TAF1: variants seen among roughly 807,000 people sequenced by gnomAD.
The protein encoded by TAF1 is TATA-box binding protein associated factor 1.
In TAF1, 2 loss-of-function variants were observed where a neutral mutation model predicts 138.5. That is an observed-to-expected ratio of 0.01 (90% CI 0.01 to 0.05). TAF1 has a LOEUF of 0.05. Among genes scored for constraint, TAF1 ranks in the 10% least tolerant of loss-of-function variants. The pLI, the probability that TAF1 is intolerant of heterozygous loss-of-function variation, is 1.00. For missense variants in TAF1, 709 were observed against 1,478.0 expected, an observed-to-expected ratio of 0.48 and a Z score of 8.53; for synonymous variants, 437 against 503.2, an observed-to-expected ratio of 0.87 and a Z score of 1.76.
At chrX:71,502,693 T>C (rs1011954891) in intron 13 of TAF1, among the ~76,000 whole-genome samples, 3 of 112,354 alleles carry the variant, frequency 2.7e-5, no homozygotes, top group African/African-American at 9.7e-5. Context: ...ATCCCAGCAC[T>C]TTGGGAGGCT....
rs748498042 is a variant in TAF1, at chrX:71,406,802, C to T, written c.4107+56C>T. 5.6e-5 allele frequency: 56 copies of T among 991,794 alleles called. No individual in the cohort carries two copies. The South Asian group carries it at 1.2e-3, about 21-fold the overall frequency. The allele number at this position is 991,794 out of a possible 1,213,427, so 81.7% of individuals were successfully genotyped here. ...GGTAGGTTATCATTGATTCCCCAGC[C>T]CTGTATGCCACAGCTCTGACAGCCT... On this transcript the variant is annotated intron_variant, in intron 26 of 37. Transcript: ENST00000423759.
At chrX:71,499,261 C>T (rs2039453063) in intron 13 of TAF1, among the ~76,000 whole-genome samples, 1 of 111,703 alleles carries the variant, frequency 9.0e-6, no homozygotes, top group Admixed American at 9.5e-5. Flanking sequence ...GTTTGTTTGT[C>T]TGAGGGCCAT....
Position 71,407,600 on chromosome X carries a change from C to A in TAF1, c.4134C>A (p.Arg1378=), listed in dbSNP as rs768444090. 10 of 1,209,404 alleles carry A rather than the reference C, an allele frequency of 8.3e-6. No individual in the cohort carries two copies. The African/African-American group carries it at 1.8e-4, about 21-fold the overall frequency. The change falls in exon 27 of 38, where the codon CGC becomes CGA. Residue 1378 remains arginine, a synonymous_variant. Coordinates refer to ENST00000423759, the MANE Select transcript of TAF1 (RefSeq NM_004606.5). ...GACCTCATAAGTCCATCCACCGGCGCCGCACAGACCCTATGGTGACGCTGT... is the reference window on the plus strand; with the variant it reads ...GACCTCATAAGTCCATCCACCGGCGACGCACAGACCCTATGGTGACGCTGT... ...LNRPHKSIHR[R]RTDPMVTLSS...
intron 15 of TAF1, 103 bp downstream of exon 15, chrX:71,387,564 C>T (rs1010441702): frequency 5.0e-5 from 47 of 934,622 alleles, no homozygotes; most frequent in Middle Eastern, 3.7e-4. Flanking sequence ...TTTGGGAGGC[C>T]GCGGTGAATG....
Position 71,422,050 on chromosome X carries a change from T to G in TAF1, c.4452+674T>G, listed in dbSNP as rs2036370774. On this transcript the variant is annotated intron_variant, in intron 29 of 37. Coordinates refer to ENST00000423759, the MANE Select transcript of TAF1 (RefSeq NM_004606.5). ...TTGGAGCAATAGGAATACAAACTTT[T>G]TCCTACTAGAGTCTAAAATGAATTT... Among the ~76,000 whole-genome samples, 3 of 112,329 alleles carry G rather than the reference T, an allele frequency of 2.7e-5. No homozygotes were observed. In the Admixed American group the frequency reaches 2.8e-4, roughly 11 times the overall value.
intron 32 of TAF1, among the ~76,000 whole-genome samples, chrX:71,450,496 C>T (rs1208961131): frequency 1.8e-5 from 2 of 112,526 alleles, no homozygotes; most frequent in Non-Finnish European, 3.8e-5. Context: ...AGCCACTGCG[C>T]CTGGCCTGTG....
chrX:71,505,906 G>A lies in TAF1; in HGVS notation c.1367-22636G>A, dbSNP rs1162273286. The stretch of plus-strand genomic sequence containing the variant: ...ATGGTGGCGCATGCCTGTAATCCCA[G>A]CTACTCGGGAGGCTGAGGCAGGAGA... On this transcript the variant is annotated intron_variant and NMD_transcript_variant, in intron 13 of 14. Coordinates refer to the TAF1 transcript ENST00000373775. Among the ~76,000 whole-genome samples, 5 of 111,180 alleles carry A rather than the reference G, an allele frequency of 4.5e-5. No homozygotes were observed. In the East Asian group the frequency reaches 1.4e-3, roughly 31 times the overall value.
In TAF1 at chrX:71,405,310, A is replaced by G. The variant is rs973155441; in HGVS notation, c.3999-1328A>G. Among the ~76,000 whole-genome samples the G allele has an allele frequency of 5.4e-5, 6 of 110,695 alleles. No homozygotes were observed. In the South Asian group the frequency reaches 1.1e-3, roughly 21 times the overall value. ...TTTTTGTGTGTAATTTAAGAAATCA[A>G]TTTGATACAGTTACAGTCATTTATG... On this transcript the variant is annotated intron_variant, in intron 25 of 37. Transcript: ENST00000423759.
rs183352562 is a variant in TAF1, at chrX:71,440,490, G to A, written c.4754-13680G>A. The stretch of plus-strand genomic sequence containing the variant: ...GTATATGTTTAGTTTTACAAGACAC[G>A]GCACTATTTCATTTTTTTTTTTTCC... On this transcript the variant is annotated intron_variant, in intron 32 of 37. Coordinates refer to ENST00000423759, the MANE Select transcript of TAF1 (RefSeq NM_004606.5). Among the ~76,000 whole-genome samples, 17 of 109,963 alleles carry A rather than the reference G, an allele frequency of 1.5e-4. No homozygotes were observed. The Admixed American group carries it at 1.6e-3, about 10-fold the overall frequency.
At position 71,463,985 on chromosome X, in the gene TAF1, A is replaced by C; in HGVS notation, c.5561A>C (p.Glu1854Ala). 8.3e-7 allele frequency: 1 copy of C among 1,202,742 alleles called. No homozygotes were observed. The highest frequency in any genetic ancestry group is 1.1e-6 in the Non-Finnish European group (1 of 890,727). The change falls in exon 38 of 38, where the codon GAG becomes GCG. Residue 1854 changes from glutamate (E) to alanine (A), a missense_variant. This residue lies in a region of TAF1 where 123 missense variants were observed against 174.7 expected (regional missense o/e 0.70). Coordinates refer to ENST00000423759, the MANE Select transcript of TAF1 (RefSeq NM_004606.5). Reference sequence around the variant, plus strand: ...AGCCAGGTCCACCTGTCAGAGGACGAGGAGGACAGTGAGGATTTCCACTCC... The same window carrying C: ...AGCCAGGTCCACCTGTCAGAGGACGCGGAGGACAGTGAGGATTTCCACTCC... Reference protein sequence around the residue: ...VLSQVHLSEDEEDSEDFHSIA... With the variant: ...VLSQVHLSEDAEDSEDFHSIA...
At chrX:71,497,910 C>T (rs1269816936) in intron 13 of TAF1, among the ~76,000 whole-genome samples, 1 of 111,779 alleles carries the variant, frequency 8.9e-6, no homozygotes, top group Non-Finnish European at 1.9e-5. Flanking sequence ...CCAGTATAGG[C>T]TGTATTCATT....
chrX:71,456,190 A>G (rs1050057312), intron 34 of TAF1, among the ~76,000 whole-genome samples: 2 of 111,828 alleles, frequency 1.8e-5, no homozygotes, highest in African/African-American at 6.5e-5. Context: ...TGGTTTGCTC[A>G]TTTCTAGGAC....
At chrX:71,422,384 A>G (rs1602621911) in intron 29 of TAF1, among the ~76,000 whole-genome samples, 1 of 99,129 alleles carries the variant, frequency 1.0e-5, no homozygotes, top group Non-Finnish European at 2.0e-5. Flanking sequence ...GTGCAGTGGG[A>G]TGACCTTGGC....
At chrX:71,393,225 TG>T (rs965778089) in intron 20 of TAF1, 75 bp from the exon 21 acceptor site, 88 of 312,381 alleles carry the variant, frequency 2.8e-4, no homozygotes, top group African/African-American at 6.4e-4. Context: ...CTGAATGATT[TG>T]TGTGTGTGTG....
rs41469947 is a variant in TAF1 at position 71,516,236 on chromosome X, C to CT, written c.1367-12290dup. ...GCCACAATGCTCAGCTGATTTTTTG[C>CT]TTTTTTTTTTTTTTTTGTAGAGTTG... On this transcript the variant is annotated intron_variant and NMD_transcript_variant, in intron 13 of 14. Transcript: ENST00000373775. 8.2e-3 allele frequency among the ~76,000 whole-genome samples: 736 copies of CT among 89,315 alleles called. 12 individuals are homozygous for CT. Among genetic ancestry groups the CT allele is most frequent in the African/African-American group, 0.025 (622 of 24,450 alleles). 77.6% of individuals were successfully genotyped at this position (89,315 alleles called of 115,157 possible).
intron 21 of TAF1, among the ~76,000 whole-genome samples, chrX:71,393,793 G>A (rs770924428): frequency 8.9e-6 from 1 of 111,869 alleles, no homozygotes; most frequent in African/African-American, 3.2e-5. Context: ...TAAAGGTTTA[G>A]TTGTGAGAGG....
intron 13 of TAF1, among the ~76,000 whole-genome samples, chrX:71,509,991 A>ATAC (rs2039702396): frequency 9.1e-6 from 1 of 109,318 alleles, no homozygotes; most frequent in African/African-American, 3.3e-5. Flanking sequence ...AATAATAATA[A>ATAC]TAATAATGAT....
intron 25 of TAF1, among the ~76,000 whole-genome samples, chrX:71,405,433 C>G (rs2035416483): frequency 8.9e-6 from 1 of 111,913 alleles, no homozygotes; most frequent in Non-Finnish European, 1.9e-5. Context: ...TGACTGCAAC[C>G]TCTGCCTCCT....
At chrX:71,514,935 G>T (rs1484323677) in intron 13 of TAF1, among the ~76,000 whole-genome samples, 4 of 111,904 alleles carry the variant, frequency 3.6e-5, no homozygotes, top group Non-Finnish European at 7.5e-5. Flanking sequence ...GTGACGCTAA[G>T]TGTGAGTACA....
Sources: allele counts gnomAD v4.1 joint callset (sites outside exome capture counted in the v4.1 genomes callset), GRCh38; gene constraint gnomAD v4.1.1; regional missense constraint gnomAD v4.1.1; transcripts MANE v1.5; gene names NCBI Gene and HGNC (gene_info 2026-07-23, HGNC 2026-07-21).